The following GALNT9 variants were observed in gnomAD, a reference collection of about 807,000 sequenced individuals.
The protein encoded by GALNT9 is GalNAc transferase 9.
In GALNT9, 47 loss-of-function variants were observed where a neutral mutation model predicts 63.1. That is an observed-to-expected ratio of 0.75 (90% CI 0.59 to 0.95). GALNT9 has a LOEUF of 0.95. Among genes scored for constraint, GALNT9 ranks in the 40% least tolerant of loss-of-function variants. GALNT9 has a pLI of 0.00. For missense variants in GALNT9, 829 were observed against 874.8 expected, an observed-to-expected ratio of 0.95 and a Z score of 0.66; for synonymous variants, 396 against 365.7, an observed-to-expected ratio of 1.08 and a Z score of -0.94.
chr12:132,226,538 A>G (rs1439810592), intron 6 of GALNT9, among the ~76,000 whole-genome samples: 1 of 146,334 alleles, frequency 6.8e-6, no homozygotes, highest in African/African-American at 2.6e-5. Flanking sequence ...CATACACAAC[A>G]CACAACCCAC....
Position 132,329,449 on chromosome 12 carries a change from G to T in GALNT9, c.-246C>A. ...CGCGGCCGGCATCCCCCGCTCAGAG[G>T]GCGCGGCCCCGCCCCGGGGAGCGGT... On this transcript the variant is annotated 5_prime_UTR_variant, in exon 1 of 11. Coordinates refer to ENST00000328957, the MANE Select transcript of GALNT9 (RefSeq NM_001122636.2). The T allele has an allele frequency of 3.7e-6, 1 of 273,452 alleles. No homozygotes were observed. The highest frequency in any genetic ancestry group is 1.5e-4 in the South Asian group (1 of 6,818). The allele number at this position is 273,452 out of a possible 1,614,324, so 16.9% of individuals were successfully genotyped here.
In GALNT9 at chr12:132,286,703, T is replaced by G. The variant is rs536743210; in HGVS notation, c.239-273A>C. Among the ~76,000 whole-genome samples, 14 of 152,154 alleles carry G rather than the reference T, an allele frequency of 9.2e-5. No individual in the cohort carries two copies. The East Asian group carries it at 2.7e-3, about 29-fold the overall frequency. On this transcript the variant is annotated intron_variant, in intron 1 of 10. Coordinates refer to ENST00000328957, the MANE Select transcript of GALNT9 (RefSeq NM_001122636.2). This position sits in a 1 kb window ranked among gnomAD's most constrained non-coding sequence, Gnocchi z 7.4. ...TGGACTCTGTGTGATGCTGCAATGG[T>G]GGATATCTGTTATTATTATGTATTT...
At chr12:132,240,892 A>AACACG in intron 6 of GALNT9, among the ~76,000 whole-genome samples, 1 of 83,412 alleles carries the variant, frequency 1.2e-5, no homozygotes, top group African/African-American at 5.7e-5. Flanking sequence ...TTACACACAC[A>AACACG]CCACACACCC....
chr12:132,257,532 C>T lies in GALNT9; in HGVS notation c.959+157G>A, dbSNP rs562598466. Among the ~76,000 whole-genome samples, 155 of 109,552 alleles carry T rather than the reference C, an allele frequency of 1.4e-3. 2 individuals carry two copies. Among genetic ancestry groups the T allele is most frequent in the South Asian group, 8.8e-3 (26 of 2,954 alleles). 71.9% of individuals were successfully genotyped at this position (109,552 alleles called of 152,430 possible). Reference sequence around the variant, plus strand: ...TCCCCACGCCCTCGTCCCCGGCCCTCATCCCCACGCCCTCGTCCCCACGCC... The same window carrying T: ...TCCCCACGCCCTCGTCCCCGGCCCTTATCCCCACGCCCTCGTCCCCACGCC... On this transcript the variant is annotated intron_variant, in intron 5 of 10. Transcript: ENST00000328957.
intron 6 of GALNT9, among the ~76,000 whole-genome samples, chr12:132,217,354 TATCC>T (rs540570666): frequency 1.1e-3 from 154 of 142,820 alleles, no homozygotes; most frequent in African/African-American, 3.8e-3. Flanking sequence ...TCCATTCCTT[TATCC>T]ATCCATCTAC....
rs1482309083 is a variant in GALNT9, at chr12:132,316,305, C to A, written c.238+12661G>T. Among the ~76,000 whole-genome samples the A allele has an allele frequency of 6.6e-6, 1 of 152,106 alleles. No individual in the cohort carries two copies. Among genetic ancestry groups the A allele is most frequent in the African/African-American group, 2.4e-5 (1 of 41,416 alleles). On this transcript the variant is annotated intron_variant, in intron 1 of 10. Transcript: ENST00000328957. The surrounding 1 kb of genome is among the most constrained non-coding windows in gnomAD (Gnocchi z 4.3). ...TACAGCCTGTGGGTTCTTCCCCAGC[C>A]CGACCCCACGTCCCCATTTCACGAT...
chr12:132,217,186 A>G (rs1384125817), intron 6 of GALNT9, among the ~76,000 whole-genome samples: 3 of 151,438 alleles, frequency 2.0e-5, no homozygotes, highest in African/African-American at 7.3e-5. Flanking sequence ...ATCCACGCGG[A>G]CTCATCCATC....
At chr12:132,267,901 A>ACACG (rs1460078926) in intron 2 of GALNT9, among the ~76,000 whole-genome samples, 1 of 150,350 alleles carries the variant, frequency 6.7e-6, no homozygotes, top group South Asian at 2.1e-4. Flanking sequence ...GCACACACGC[A>ACACG]CACAAATCCA....
Position 132,196,537 on chromosome 12 carries a change from C to G in GALNT9, c.*570G>C. Reference sequence around the variant, plus strand: ...GCCTAATCCTCTCTTTATTTGGTCTCTGCTGAAGCAGTCGTGCCAGCCTCC... The same window carrying G: ...GCCTAATCCTCTCTTTATTTGGTCTGTGCTGAAGCAGTCGTGCCAGCCTCC... On this transcript the variant is annotated 3_prime_UTR_variant, in exon 11 of 11. Transcript: ENST00000328957. 1.0e-6 allele frequency: 1 copy of G among 986,334 alleles called. No individual in the cohort carries two copies. The highest frequency in any genetic ancestry group is 1.2e-6 in the Non-Finnish European group (1 of 830,570). The allele number at this position is 986,334 out of a possible 1,614,324, so 61.1% of individuals were successfully genotyped here. A position where few individuals can be genotyped will look rare whatever the true frequency, so the allele number is the denominator to read the frequency against.
intron 1 of GALNT9, among the ~76,000 whole-genome samples, chr12:132,313,935 C>T (rs1555245474): frequency 7.2e-6 from 1 of 139,412 alleles, no homozygotes; most frequent in African/African-American, 2.7e-5. Flanking sequence ...TCCACCCACT[C>T]ACCCATCCAC....
At chr12:132,233,171 G>C (rs1375629077) in intron 6 of GALNT9, among the ~76,000 whole-genome samples, 6 of 51,888 alleles carry the variant, frequency 1.2e-4, no homozygotes, top group South Asian at 1.2e-3. Context: ...GGAGCCCCTA[G>C]TGCCACACAC....
Position 132,316,906 on chromosome 12 carries a change from C to T in GALNT9, c.238+12060G>A, listed in dbSNP as rs1262290951. ...GCTGCATGGCCTGGCCCCCATTCTACACCCCACAGAGCACAGCCTGCATCC... is the reference window on the plus strand; with the variant it reads ...GCTGCATGGCCTGGCCCCCATTCTATACCCCACAGAGCACAGCCTGCATCC... On this transcript the variant is annotated intron_variant, in intron 1 of 10. Transcript: ENST00000328957. The surrounding 1 kb of genome is among the most constrained non-coding windows in gnomAD (Gnocchi z 4.3). 1.3e-5 allele frequency among the ~76,000 whole-genome samples: 2 copies of T among 151,654 alleles called. No homozygotes were observed. The highest frequency in any genetic ancestry group is 4.9e-5 in the African/African-American group (2 of 41,166).
chr12:132,230,206 C>T (rs1034389605), intron 6 of GALNT9, among the ~76,000 whole-genome samples: 6 of 152,304 alleles, frequency 3.9e-5, no homozygotes, highest in Middle Eastern at 3.4e-3. Flanking sequence ...CCGGAGTCCA[C>T]GCACCCCCTG....
intron 6 of GALNT9, chr12:132,240,839 A>G (rs1878264175): frequency 5.0e-6 from 2 of 397,348 alleles, no homozygotes; most frequent in South Asian, 3.8e-5. Flanking sequence ...TATACCCATT[A>G]CACACACACC....
intron 6 of GALNT9, among the ~76,000 whole-genome samples, chr12:132,229,730 T>A (rs1231435008): frequency 2.6e-5 from 4 of 152,160 alleles, no homozygotes; most frequent in African/African-American, 9.7e-5. Context: ...GAGAAAGAAA[T>A]CATGGTCACC....
At position 132,207,428 on chromosome 12, in the gene GALNT9, C is replaced by T. The variant is rs547535357; in HGVS notation, c.1078-3738G>A. ...CCCGGGGCCTTCTGTGGCGCTGGGG[C>T]GATTCCACATGGGAACCTGGTGGGA... On this transcript the variant is annotated intron_variant, in intron 6 of 10. Transcript: ENST00000328957. 9.9e-5 allele frequency among the ~76,000 whole-genome samples: 15 copies of T among 152,212 alleles called. No homozygotes were observed. In the East Asian group the frequency reaches 2.9e-3, roughly 29 times the overall value.
chr12:132,239,669 CAGAG>C (rs1878167654), intron 6 of GALNT9, among the ~76,000 whole-genome samples: 1 of 147,350 alleles, frequency 6.8e-6, no homozygotes, highest in Non-Finnish European at 1.5e-5. Context: ...CAGAGAGAGA[CAGAG>C]AGACAAAGAG....
At chr12:132,312,787 C>T (rs1465284943) in intron 1 of GALNT9, among the ~76,000 whole-genome samples, 4 of 152,172 alleles carry the variant, frequency 2.6e-5, no homozygotes, top group Non-Finnish European at 4.4e-5. Context: ...GCCCTGAACC[C>T]CTGTTGTCAA....
intron 5 of GALNT9, among the ~76,000 whole-genome samples, chr12:132,254,667 A>G (rs1479124457): frequency 6.6e-6 from 1 of 152,260 alleles, no homozygotes; most frequent in Non-Finnish European, 1.5e-5. Flanking sequence ...AGGCAGGTAA[A>G]GTACAAGAGA....
Sources: gnomAD v4.1 joint callset for allele counts (sites outside exome capture counted in the v4.1 genomes callset) on GRCh38, gnomAD v4.1.1 for gene constraint, Gnocchi (gnomAD v3.1) non-coding constraint, MANE v1.5 for transcripts, NCBI Gene and HGNC (gene_info 2026-07-23, HGNC 2026-07-21) for gene names.